AFG2A: variants seen among roughly 807,000 people sequenced by gnomAD.
AFG2A encodes the protein AAA ATPase AFG2A, also known as ATPase family gene 2 protein homolog A.
the AFG2A span, among the ~76,000 whole-genome samples, chr4:123,076,195 GTGTT>G: frequency 6.6e-6 from 1 of 152,060 alleles, no homozygotes; most frequent in African/African-American, 2.4e-5. Context: ...TTGAGCCCAA[GTGTT>G]TGAGGCTGCA....
At chr4:123,228,907 A>C in the AFG2A span, among the ~76,000 whole-genome samples, 1 of 152,022 alleles carries the variant, frequency 6.6e-6, no homozygotes, top group South Asian at 2.1e-4. Flanking sequence ...AATTGCTGTC[A>C]GTCAGCAAGT....
the AFG2A span, among the ~76,000 whole-genome samples, chr4:122,995,949 A>G: frequency 6.6e-6 from 1 of 152,244 alleles, no homozygotes; most frequent in Non-Finnish European, 1.5e-5. Flanking sequence ...ACTTTACTAT[A>G]TACAGATATG....
the AFG2A span, among the ~76,000 whole-genome samples, chr4:123,128,738 C>T: frequency 1.3e-5 from 2 of 151,768 alleles, no homozygotes; most frequent in African/African-American, 4.8e-5. Context: ...ATGGTTAAAC[C>T]CTTAAATAAT....
the AFG2A span, among the ~76,000 whole-genome samples, chr4:122,948,637 A>G: frequency 6.6e-6 from 1 of 152,130 alleles, no homozygotes; most frequent in Non-Finnish European, 1.5e-5. Flanking sequence ...GAGCCAATAA[A>G]TGAAACTTAG....
chr4:123,005,007 C>T, the AFG2A span, among the ~76,000 whole-genome samples: 84 of 152,180 alleles, frequency 5.5e-4, 2 homozygotes, highest in East Asian at 7.9e-3. Flanking sequence ...AAGAGTCATT[C>T]ATAGTATTTC....
the AFG2A span, among the ~76,000 whole-genome samples, chr4:123,212,749 A>G: frequency 7.9e-5 from 12 of 152,280 alleles, no homozygotes; most frequent in South Asian, 2.5e-3. Context: ...ATGGAAATAC[A>G]GCATGGTTAG....
the AFG2A span, among the ~76,000 whole-genome samples, chr4:123,188,756 A>C: frequency 1.3e-5 from 2 of 152,212 alleles, no homozygotes; most frequent in African/African-American, 4.8e-5. Flanking sequence ...AATAGGATTA[A>C]TCATAAAAGG....
the AFG2A span, among the ~76,000 whole-genome samples, chr4:122,975,882 G>T: frequency 6.6e-6 from 1 of 152,116 alleles, no homozygotes; most frequent in Non-Finnish European, 1.5e-5. Flanking sequence ...TTTGTAAGAT[G>T]TCCTAAAGAA....
the AFG2A span, among the ~76,000 whole-genome samples, chr4:123,224,799 A>G: frequency 1.3e-5 from 2 of 152,202 alleles, no homozygotes; most frequent in Admixed American, 1.3e-4. Context: ...GACTTCCACA[A>G]TGGTTGAACT....
the AFG2A span, among the ~76,000 whole-genome samples, chr4:123,092,672 A>G: frequency 6.6e-6 from 1 of 152,228 alleles, no homozygotes; most frequent in Non-Finnish European, 1.5e-5. Context: ...TAAAGACTGA[A>G]AACACAGTGT....
At chr4:123,055,590 G>A in the AFG2A span, among the ~76,000 whole-genome samples, 1 of 152,180 alleles carries the variant, frequency 6.6e-6, no homozygotes, top group Non-Finnish European at 1.5e-5. Context: ...AAATACTTAA[G>A]TCAGTGTCTT....
the AFG2A span, among the ~76,000 whole-genome samples, chr4:123,287,884 C>T: frequency 2.4e-4 from 37 of 152,094 alleles, no homozygotes; most frequent in African/African-American, 8.0e-4. Flanking sequence ...AGACTTGAGG[C>T]GAGTGAACTG....
chr4:123,216,429 C>T, the AFG2A span, among the ~76,000 whole-genome samples: 1 of 151,968 alleles, frequency 6.6e-6, no homozygotes, highest in Non-Finnish European at 1.5e-5. Flanking sequence ...TAGAGAGTTG[C>T]TTTAAGGATT....
chr4:123,295,525 A>G, the AFG2A span, among the ~76,000 whole-genome samples: 1 of 152,270 alleles, frequency 6.6e-6, no homozygotes, highest in African/African-American at 2.4e-5. Flanking sequence ...AGCTCTCTAT[A>G]TAGCCGTGAA....
chr4:123,030,087 A>G, the AFG2A span, among the ~76,000 whole-genome samples: 3 of 151,794 alleles, frequency 2.0e-5, no homozygotes, highest in African/African-American at 7.3e-5. Context: ...TCTCATCTCC[A>G]TTTTTTCTGT....
the AFG2A span, among the ~76,000 whole-genome samples, chr4:123,299,774 T>C: frequency 6.6e-6 from 1 of 152,228 alleles, no homozygotes; most frequent in African/African-American, 2.4e-5. Flanking sequence ...TACTCAACTT[T>C]AGGTCTTCAG....
At chr4:123,075,436 T>C in the AFG2A span, among the ~76,000 whole-genome samples, 3 of 151,774 alleles carry the variant, frequency 2.0e-5, no homozygotes, top group African/African-American at 4.8e-5. Flanking sequence ...GTAGCTGGGA[T>C]TACAGGCGCC....
chr4:123,062,169 G>A, the AFG2A span, among the ~76,000 whole-genome samples: 5 of 152,278 alleles, frequency 3.3e-5, no homozygotes, highest in Admixed American at 1.3e-4. Context: ...GAGAACACAT[G>A]TGTTTAGTGT....
the AFG2A span, among the ~76,000 whole-genome samples, chr4:123,025,802 G>T: frequency 6.6e-6 from 1 of 152,098 alleles, no homozygotes; most frequent in Non-Finnish European, 1.5e-5. Flanking sequence ...AGCAGCAGTT[G>T]TCAGTAGGAG....
Sources: allele counts gnomAD v4.1 joint callset (sites outside exome capture counted in the v4.1 genomes callset), GRCh38; gene constraint gnomAD v4.1.1; transcripts MANE v1.5; gene names NCBI Gene and HGNC (gene_info 2026-07-23, HGNC 2026-07-21).